Variants in NUP188 observed in about 807,000 individuals in gnomAD.
The protein encoded by NUP188 is nucleoporin 188, also known as nucleoporin NUP188.
NUP188 carries 97 observed loss-of-function variants against 223.0 expected under a neutral mutation model. The ratio of observed to expected loss-of-function variants is 0.43; its 90% CI spans 0.37 to 0.51. The LOEUF (loss-of-function observed/expected upper bound fraction) is 0.51, where lower values mean the gene tolerates loss of function less well. Ranked by LOEUF, NUP188 falls within the 20% of genes least tolerant of loss-of-function variation. The pLI is 0.00. For synonymous variants in NUP188, 869 were observed against 828.0 expected, an observed-to-expected ratio of 1.05 and a Z score of -0.85; for missense variants, 1,947 against 2,175.6, an observed-to-expected ratio of 0.89 and a Z score of 2.09.
Position 129,004,239 on chromosome 9 carries a change from C to T in NUP188, c.4434+785C>T, listed in dbSNP as rs572116162. 7.5e-5 allele frequency among the ~76,000 whole-genome samples: 11 copies of T among 147,000 alleles called. No homozygotes were observed. In the East Asian group the frequency reaches 1.0e-3, roughly 14 times the overall value. On this transcript the variant is annotated intron_variant, in intron 38 of 43. Coordinates refer to ENST00000372577, the MANE Select transcript of NUP188 (RefSeq NM_015354.3). Reference sequence around the variant, plus strand: ...TGGAGGTTGCAGTGAGCCGAGGTCACGCCACTGCACTCCAGCCTGGTGACA... The same window carrying T: ...TGGAGGTTGCAGTGAGCCGAGGTCATGCCACTGCACTCCAGCCTGGTGACA...
At position 128,973,143 on chromosome 9, in the gene NUP188, C is replaced by T. The variant is rs372126527; in HGVS notation, c.1114-17C>T. On this transcript the variant is annotated splice_polypyrimidine_tract_variant and intron_variant, in intron 11 of 43. Transcript: ENST00000372577. ...TGTATTACTCAGAATGATTCACTGA[C>T]TCCTTTGTCATTCCAGTGCACCACC... 1 of 1,562,072 alleles carries T rather than the reference C, an allele frequency of 6.4e-7. No individual in the cohort carries two copies. The highest frequency in any genetic ancestry group is 2.2e-5 in the East Asian group (1 of 44,482).
intron 8 of NUP188, among the ~76,000 whole-genome samples, chr9:128,964,484 C>T (rs1487668950): frequency 1.3e-5 from 2 of 151,576 alleles, no homozygotes; most frequent in Non-Finnish European, 2.9e-5. Flanking sequence ...GTCACAGCCC[C>T]ACAAGTAGCT....
intron 25 of NUP188, among the ~76,000 whole-genome samples, chr9:128,991,167 T>C (rs901520645): frequency 1.3e-5 from 2 of 150,978 alleles, no homozygotes; most frequent in African/African-American, 2.4e-5. Flanking sequence ...GATTTCTTTT[T>C]TTTTTTTTTT....
chr9:128,958,806 C>T lies in NUP188; in HGVS notation c.377C>T (p.Ala126Val). ...RQSQALILKI[A>V]DYYYEERTCI... Reference sequence around the variant, plus strand: ...TTTGAATTTTGGGTTCCTCAGATTGCAGATTATTATTATGAAGAAAGAACC... The same window carrying T: ...TTTGAATTTTGGGTTCCTCAGATTGTAGATTATTATTATGAAGAAAGAACC... Residue 126 changes from alanine (A) to valine (V), a missense_variant, in exon 7 of 44, where the codon GCA becomes GTA. Ala to Val is a moderately conservative substitution (Grantham distance 64, BLOSUM62 0). Around this residue, in one of 3 missense-constraint regions of NUP188, gnomAD observed 817 missense variants for 865.8 expected, o/e 0.94. Transcript: ENST00000372577. The T allele has an allele frequency of 1.3e-6, 2 of 1,567,250 alleles. No individual in the cohort carries two copies. The highest frequency in any genetic ancestry group is 2.0e-4 in the Middle Eastern group (1 of 5,108).
In NUP188 at chr9:128,984,883, T is replaced by C. The variant is rs766397758; in HGVS notation, c.1962-17T>C. 2 of 1,552,852 alleles carry C rather than the reference T, an allele frequency of 1.3e-6. No individual in the cohort carries two copies. ...AAATTTCCCTATCATTTTTTTTCCC[T>C]CTACTTCTTTTTCCAGTGCGGAAGG... On this transcript the variant is annotated splice_polypyrimidine_tract_variant and intron_variant, in intron 19 of 43. Transcript: ENST00000372577.
At chr9:128,956,304 A>T (rs1410021250) in intron 3 of NUP188, 46 bp from the exon 4 acceptor site, 2 of 1,127,178 alleles carry the variant, frequency 1.8e-6, no homozygotes, top group Non-Finnish European at 2.6e-6. Flanking sequence ...TTTTAAACTC[A>T]GTGGGCTATT....
chr9:128,961,222 C>T (rs1396190928), intron 8 of NUP188, among the ~76,000 whole-genome samples: 1 of 151,556 alleles, frequency 6.6e-6, no homozygotes, highest in East Asian at 1.9e-4. Context: ...CCCAGCTACT[C>T]GGGAGGCTAA....
intron 29 of NUP188, 101 bp downstream of exon 29, chr9:128,995,024 A>G (rs1354224179): frequency 3.4e-6 from 3 of 891,748 alleles, no homozygotes; most frequent in Admixed American, 1.8e-5. Flanking sequence ...GGCAGAGGAG[A>G]GAACTGGTTT....
intron 21 of NUP188, 59 bp downstream of exon 21, chr9:128,986,737 T>C (rs1445762695): frequency 6.2e-7 from 1 of 1,613,738 alleles, no homozygotes; most frequent in Admixed American, 1.7e-5. Flanking sequence ...GAGAGCTTTT[T>C]TCTTTCCCTT....
intron 2 of NUP188, among the ~76,000 whole-genome samples, chr9:128,949,971 G>T (rs150281691): frequency 6.8e-6 from 1 of 146,566 alleles, no homozygotes; most frequent in Non-Finnish European, 1.5e-5. Flanking sequence ...TCCCAGGCTG[G>T]AGTGTAAGTA....
Position 128,984,966 on chromosome 9 carries a change from G to A in NUP188, c.2028G>A (p.Glu676=), listed in dbSNP as rs1842313264. The A allele has an allele frequency of 1.2e-6, 2 of 1,613,958 alleles. No individual in the cohort carries two copies. Among genetic ancestry groups the A allele is most frequent in the Non-Finnish European group, 1.7e-6 (2 of 1,179,924 alleles). Residue 676 remains glutamate (E), a synonymous_variant, in exon 20 of 44, where the codon GAG becomes GAA. Transcript: ENST00000372577. ...TGAACAGTGAACAGCCTCAGGGCGA[G>A]TATGGGGTTACTATTGCCTTTCTGC... ...LLMNSEQPQG[E]YGVTIAFLRL...
chr9:128,962,962 A>T (rs1337140904), intron 8 of NUP188, among the ~76,000 whole-genome samples: 1 of 152,212 alleles, frequency 6.6e-6, no homozygotes, highest in Non-Finnish European at 1.5e-5. Flanking sequence ...GGAATTACAT[A>T]TAAATAGAAC....
chr9:128,985,072 T>A (rs1842315255), intron 20 of NUP188, 58 bp downstream of exon 20: 9 of 1,248,518 alleles, frequency 7.2e-6, no homozygotes, highest in Non-Finnish European at 1.0e-5. Context: ...TCTTGTCAGA[T>A]GACTCTGAAA....
In NUP188 at chr9:128,982,547, A is replaced by AG; in HGVS notation, c.1520dup. 6.2e-7 allele frequency: 1 copy of AG among 1,608,100 alleles called. No homozygotes were observed. Among genetic ancestry groups the AG allele is most frequent in the Non-Finnish European group, 8.5e-7 (1 of 1,177,972 alleles). On this transcript the variant is annotated splice_acceptor_variant, in intron 15 of 43. Coordinates refer to ENST00000372577, the MANE Select transcript of NUP188 (RefSeq NM_015354.3). LOFTEE classifies it high-confidence loss of function. ...TTAGACTAATTTATCTTTCTCTCTC[A>AG]GGGGGTCAAACCAACCTTCGCATAC...
intron 1 of NUP188, chr9:128,948,152 C>T (rs1239433946): frequency 5.7e-6 from 1 of 176,490 alleles, no homozygotes; most frequent in Non-Finnish European, 1.2e-5. Flanking sequence ...CTGCAGGCTC[C>T]CAGTGTCCTG....
chr9:128,957,794 C>T (rs1588269934), intron 5 of NUP188, among the ~76,000 whole-genome samples: 1 of 152,082 alleles, frequency 6.6e-6, no homozygotes, highest in Non-Finnish European at 1.5e-5. Context: ...GCCTGCCCAG[C>T]CCCTCATTTT....
intron 13 of NUP188, 24 bp downstream of exon 13, chr9:128,979,351 T>C (rs777307704): frequency 1.3e-6 from 2 of 1,559,538 alleles, no homozygotes; most frequent in Non-Finnish European, 1.8e-6. Flanking sequence ...AGAGAGTCAC[T>C]GCATAGCAAA....
At chr9:128,990,484 T>C (rs772481143) in intron 25 of NUP188, among the ~76,000 whole-genome samples, 38 of 152,016 alleles carry the variant, frequency 2.5e-4, no homozygotes, top group Non-Finnish European at 5.3e-4. Context: ...TTCCAGCACT[T>C]TGGGAGGCTG....
chr9:129,001,840 C>T lies in NUP188; in HGVS notation c.4045-44C>T, dbSNP rs748321289. On this transcript the variant is annotated intron_variant, in intron 35 of 43. Coordinates refer to ENST00000372577, the MANE Select transcript of NUP188 (RefSeq NM_015354.3). Reference sequence around the variant, plus strand: ...AGAGCCCTACCTACCCTAGGCAGGGCAGGGGCAGGCTCCATCTCATTTCCT... The same window carrying T: ...AGAGCCCTACCTACCCTAGGCAGGGTAGGGGCAGGCTCCATCTCATTTCCT... The T allele has an allele frequency of 3.1e-6, 5 of 1,591,666 alleles. No individual in the cohort carries two copies. The South Asian group carries it at 4.4e-5, about 14-fold the overall frequency.
Sources: allele counts gnomAD v4.1 joint callset (sites outside exome capture counted in the v4.1 genomes callset), GRCh38; gene constraint gnomAD v4.1.1; regional missense constraint gnomAD v4.1.1; transcripts MANE v1.5; gene names NCBI Gene and HGNC (gene_info 2026-07-23, HGNC 2026-07-21).